The following TNFRSF14 variants were observed in gnomAD, a reference collection of about 807,000 sequenced individuals.
The protein encoded by TNFRSF14 is TNF receptor superfamily member 14.
Under a neutral mutation model 34.1 loss-of-function variants are expected in TNFRSF14, and 18 were observed. That is an observed-to-expected ratio of 0.53 (90% CI 0.36 to 0.78). The LOEUF is 0.78. TNFRSF14 is among the 30% of genes least tolerant of loss of function. TNFRSF14 has a pLI of 0.00. For synonymous variants in TNFRSF14, 157 were observed against 153.2 expected (o/e 1.02, Z -0.18); for missense variants, 352 against 379.5 (o/e 0.93, Z 0.60).
Position 2,559,894 on chromosome 1 carries a change from T to G in TNFRSF14, c.376T>G (p.Phe126Val). ...NAVCGCSPGHFCIVQDGDHCA... is the reference protein window; with the variant it reads ...NAVCGCSPGHVCIVQDGDHCA... The stretch of plus-strand genomic sequence containing the variant: ...CGTGTGTGGCTGCAGCCCAGGCCAC[T>G]TCTGCATCGTCCAGGACGGGGACCA... Residue 126 changes from phenylalanine (F) to valine (V), a missense_variant, in exon 4 of 8, where the codon TTC (phenylalanine) becomes GTC (valine). Transcript: ENST00000355716. The G allele has an allele frequency of 6.2e-7, 1 of 1,604,752 alleles. No homozygotes were observed. Among genetic ancestry groups the G allele is most frequent in the South Asian group, 1.1e-5 (1 of 89,388 alleles).
At chr1:2,556,312 C>T (rs984193600), upstream of TNFRSF14, 28 of 587,608 alleles carry the variant, frequency 4.8e-5, no homozygotes, top group South Asian at 2.9e-4. Context: ...ACAGGAAACC[C>T]GGAGTGGACT....
chr1:2,556,254 TGA>T (rs1322551064), upstream of TNFRSF14: 8 of 508,828 alleles, frequency 1.6e-5, no homozygotes, highest in Middle Eastern at 3.0e-4. Flanking sequence ...CCTGAGTGTG[TGA>T]GTGAGGTGGG....
intron 2 of TNFRSF14, among the ~76,000 whole-genome samples, chr1:2,558,139 A>T (rs576603264): frequency 2.9e-4 from 44 of 152,234 alleles, no homozygotes; most frequent in African/African-American, 1.0e-3. Flanking sequence ...AGGAGGCCCC[A>T]TGTGCTTCCA....
intron 4 of TNFRSF14, among the ~76,000 whole-genome samples, chr1:2,560,288 C>T (rs534950584): frequency 6.6e-6 from 1 of 152,300 alleles, no homozygotes; most frequent in Non-Finnish European, 1.5e-5. Context: ...ATGGGAGTGA[C>T]CATGGTTAAT....
intron 7 of TNFRSF14, 40 bp from the exon 8 acceptor site, chr1:2,563,108 G>A (rs771604809): frequency 3.1e-6 from 5 of 1,609,618 alleles, no homozygotes; most frequent in Non-Finnish European, 4.2e-6. Flanking sequence ...TCCCAGGGGG[G>A]CCTGAGCAGG....
At position 2,561,770 on chromosome 1, in the gene TNFRSF14, T is replaced by G. The variant is rs1437663383; in HGVS notation, c.649T>G (p.Ser217Ala). ...SGSLVIVIVC[S>A]TVGLIICVKR... is the part of the protein sequence containing the mutation. ...GAGCCTCGTCATCGTCATTGTTTGC[T>G]CCACAGTTGGCCTAATCATATGTGT... is the stretch of plus-strand genomic sequence containing the variant. Residue 217 changes from serine to alanine, a missense_variant, in exon 6 of 8, where the codon TCC becomes GCC. Ser to Ala is a moderately conservative substitution (Grantham distance 99). Coordinates refer to ENST00000355716, the MANE Select transcript of TNFRSF14 (RefSeq NM_003820.4). The surrounding 1 kb of genome is among the most constrained non-coding windows in gnomAD (Gnocchi z 6.0). The G allele has an allele frequency of 6.2e-6, 10 of 1,613,740 alleles. No individual in the cohort carries two copies. Among genetic ancestry groups the G allele is most frequent in the Non-Finnish European group, 8.5e-6 (10 of 1,179,998 alleles).
At chr1:2,559,314 A>G in intron 3 of TNFRSF14, 2 of 1,367,962 alleles carry the variant, frequency 1.5e-6, no homozygotes, top group Non-Finnish European at 1.9e-6. Flanking sequence ...ATGTGGGGGC[A>G]CAGGTGGCAG....
In TNFRSF14 at chr1:2,561,113, T is replaced by C. The variant is rs956007803; in HGVS notation, c.551+399T>C. On this transcript the variant is annotated intron_variant, in intron 5 of 7. Coordinates refer to ENST00000355716, the MANE Select transcript of TNFRSF14 (RefSeq NM_003820.4). The surrounding 1 kb of genome is among the most constrained non-coding windows in gnomAD (Gnocchi z 6.0). Reference sequence around the variant, plus strand: ...CTTTGTCCACCTTCGGGAGGACACCTTCAAATGCTGACCCTGGGCCCCTAA... The same window carrying C: ...CTTTGTCCACCTTCGGGAGGACACCCTCAAATGCTGACCCTGGGCCCCTAA... 6 of 324,430 alleles carry C rather than the reference T, an allele frequency of 1.8e-5. No homozygotes were observed. The highest frequency in any genetic ancestry group is 4.4e-5 in the Admixed American group (1 of 22,472). The allele number at this position is 324,430 out of a possible 1,614,324, so 20.1% of individuals were successfully genotyped here.
Position 2,556,563 on chromosome 1 carries a change from C to T in TNFRSF14, c.-102C>T, listed in dbSNP as rs759439521. 40 of 1,183,848 alleles carry T rather than the reference C, an allele frequency of 3.4e-5. No individual in the cohort carries two copies. The highest frequency in any genetic ancestry group is 4.9e-5 in the Non-Finnish European group (40 of 811,470). The allele number at this position is 1,183,848 out of a possible 1,614,324, so 73.3% of individuals were successfully genotyped here. A position where few individuals can be genotyped will look rare whatever the true frequency, so the allele number is the denominator to read the frequency against. ...ACCGAGGCGGATTCTCTTTCTCTTTCTCTTTCTCTTCTGGCCCACAGCCGC... is the reference window on the plus strand; with the variant it reads ...ACCGAGGCGGATTCTCTTTCTCTTTTTCTTTCTCTTCTGGCCCACAGCCGC... On this transcript the variant is annotated 5_prime_UTR_variant, in exon 1 of 8. Coordinates refer to ENST00000355716, the MANE Select transcript of TNFRSF14 (RefSeq NM_003820.4).
Position 2,561,434 on chromosome 1 carries a change from C to G in TNFRSF14, c.552-239C>G. On this transcript the variant is annotated intron_variant, in intron 5 of 7. Transcript: ENST00000355716. The surrounding 1 kb of genome is among the most constrained non-coding windows in gnomAD (Gnocchi z 6.0). ...CCCCTCTCCCTCTGCCGTCCTGTCT[C>G]CTTTGCCCAGTCTCTCCTTGTTTCT... 1 of 1,460,290 alleles carries G rather than the reference C, an allele frequency of 6.8e-7. No homozygotes were observed. The highest frequency in any genetic ancestry group is 9.1e-7 in the Non-Finnish European group (1 of 1,094,500). The allele number at this position is 1,460,290 out of a possible 1,614,324, so 90.5% of individuals were successfully genotyped here. A position where few individuals can be genotyped will look rare whatever the true frequency, so the allele number is the denominator to read the frequency against.
At position 2,561,462 on chromosome 1, in the gene TNFRSF14, TCTC is replaced by T. The variant is rs1318950433; in HGVS notation, c.552-205_552-203del. On this transcript the variant is annotated intron_variant, in intron 5 of 7. Coordinates refer to ENST00000355716, the MANE Select transcript of TNFRSF14 (RefSeq NM_003820.4). The surrounding 1 kb of genome is among the most constrained non-coding windows in gnomAD (Gnocchi z 6.0). Reference sequence around the variant, plus strand: ...TTGCCCAGTCTCTCCTTGTTTCTCTTCTCCTCCTTCCTTCTCTCCACCTCCCCA... The same window carrying T: ...TTGCCCAGTCTCTCCTTGTTTCTCTTCTCCTTCCTTCTCTCCACCTCCCCA... 2.0e-6 allele frequency: 3 copies of T among 1,488,944 alleles called. No homozygotes were observed. Among genetic ancestry groups the T allele is most frequent in the African/African-American group, 1.4e-5 (1 of 70,712 alleles). The allele number at this position is 1,488,944 out of a possible 1,614,324, so 92.2% of individuals were successfully genotyped here.
Position 2,556,741 on chromosome 1 carries a change from C to A in TNFRSF14, c.69+8C>A. The A allele has an allele frequency of 6.3e-7, 1 of 1,586,508 alleles. No homozygotes were observed. Among genetic ancestry groups the A allele is most frequent in the Admixed American group, 1.8e-5 (1 of 56,306 alleles). On this transcript the variant is annotated splice_region_variant and intron_variant, in intron 1 of 7. Coordinates refer to ENST00000355716, the MANE Select transcript of TNFRSF14 (RefSeq NM_003820.4). Reference sequence around the variant, plus strand: ...ACCGACGTCTTGAGGCTGGTGAGCCCCCGAGCCTCCTCTCCGTCTGCTCGC... The same window carrying A: ...ACCGACGTCTTGAGGCTGGTGAGCCACCGAGCCTCCTCTCCGTCTGCTCGC...
chr1:2,563,567 G>A lies in TNFRSF14; in HGVS notation c.*294G>A, dbSNP rs1041666864. ...CCCTCGCTCACAGACCACACACCCA[G>A]CCCTCCTGGGCCAGCCCAGAGGGCC... is the stretch of plus-strand genomic sequence containing the variant. On this transcript the variant is annotated 3_prime_UTR_variant, in exon 8 of 8. Coordinates refer to ENST00000355716, the MANE Select transcript of TNFRSF14 (RefSeq NM_003820.4). 6 of 400,728 alleles carry A rather than the reference G, an allele frequency of 1.5e-5. No homozygotes were observed. Among genetic ancestry groups the A allele is most frequent in the African/African-American group, 1.2e-4 (6 of 50,470 alleles). The allele number at this position is 400,728 out of a possible 1,614,324, so 24.8% of individuals were successfully genotyped here.
At position 2,560,626 on chromosome 1, in the gene TNFRSF14, A is replaced by G. The variant is rs200772143; in HGVS notation, c.463A>G (p.Thr155Ala). Residue 155 changes from threonine (T) to alanine (A), a missense_variant and splice_region_variant, in exon 5 of 8, where the codon ACC (threonine) becomes GCC (alanine). Coordinates refer to ENST00000355716, the MANE Select transcript of TNFRSF14 (RefSeq NM_003820.4). ...TCTGTCCGTCCCTCTCTTCTCAGGC[A>G]CCGAGAGTCAGGACACCCTGTGTCA... ...SPGQRVQKGG[T>A]ESQDTLCQNC... The G allele has an allele frequency of 5.6e-6, 9 of 1,612,748 alleles. No individual in the cohort carries two copies. The East Asian group carries it at 2.0e-4, about 36-fold the overall frequency.
At position 2,563,334 on chromosome 1, in the gene TNFRSF14, G is replaced by C. The variant is rs1644339141; in HGVS notation, c.*61G>C. 2 of 1,597,422 alleles carry C rather than the reference G, an allele frequency of 1.3e-6. No homozygotes were observed. Among genetic ancestry groups the C allele is most frequent in the African/African-American group, 1.3e-5 (1 of 74,548 alleles). ...GGAGCGACGGCTGCTGAAAGAGGCT[G>C]TCCACCTGGCGGAACCACCGGAGCC... On this transcript the variant is annotated 3_prime_UTR_variant, in exon 8 of 8. Transcript: ENST00000355716.
chr1:2,556,727 G>A lies in TNFRSF14; in HGVS notation c.63G>A (p.Leu21=), dbSNP rs758917691. 12 of 1,599,646 alleles carry A rather than the reference G, an allele frequency of 7.5e-6. No individual in the cohort carries two copies. The highest frequency in any genetic ancestry group is 1.0e-5 in the Non-Finnish European group (12 of 1,173,384). ...GATCCACCCCCAAAACCGACGTCTTGAGGCTGGTGAGCCCCCGAGCCTCCT... is the reference window on the plus strand; with the variant it reads ...GATCCACCCCCAAAACCGACGTCTTAAGGCTGGTGAGCCCCCGAGCCTCCT... ...PWRSTPKTDV[L]RLVLYLTFLG... is the part of the protein sequence containing the mutation. Residue 21 remains leucine (L), a synonymous_variant, in exon 1 of 8, where the codon TTG becomes TTA. Transcript: ENST00000355716.
In TNFRSF14 at chr1:2,563,148, C is replaced by G. The variant is rs556584527; in HGVS notation, c.727C>G (p.Arg243Gly). 2 of 1,613,208 alleles carry G rather than the reference C, an allele frequency of 1.2e-6. No individual in the cohort carries two copies. The highest frequency in any genetic ancestry group is 8.5e-7 in the Non-Finnish European group (1 of 1,179,974). ...DVVKVIVSVQ[R>G]KRQEAEGEAT... ...GTCTCCACGATTCGTGTGCTCACAG[C>G]GGAAAAGACAGGAGGCAGAAGGTGA... The change falls in exon 8 of 8, where the codon CGG becomes GGG. Residue 243 changes from arginine to glycine, a missense_variant and splice_region_variant. Coordinates refer to ENST00000355716, the MANE Select transcript of TNFRSF14 (RefSeq NM_003820.4).
Position 2,556,593 on chromosome 1 carries a change from A to AT in TNFRSF14, c.-71dup, listed in dbSNP as rs1243340054. On this transcript the variant is annotated 5_prime_UTR_variant, in exon 1 of 8. The change abolishes an upstream ATG in the 5' untranslated region. Transcript: ENST00000355716. ...TCTCTTCTGGCCCACAGCCGCAGCA[A>AT]TGGCGCTGAGTTCCTCTGCTGGAGT... 7.0e-7 allele frequency: 1 copy of AT among 1,430,726 alleles called. No homozygotes were observed. The highest frequency in any genetic ancestry group is 1.9e-5 in the Admixed American group (1 of 53,238). The allele number at this position is 1,430,726 out of a possible 1,614,324, so 88.6% of individuals were successfully genotyped here.
At chr1:2,562,394 C>G (rs998775296) in intron 6 of TNFRSF14, 2 of 240,422 alleles carry the variant, frequency 8.3e-6, no homozygotes, top group Non-Finnish European at 1.6e-5. Context: ...GAAAGTCAGC[C>G]CCATCCTCCA....
Sources: allele counts gnomAD v4.1 joint callset (sites outside exome capture counted in the v4.1 genomes callset), GRCh38; gene constraint gnomAD v4.1.1; non-coding constraint Gnocchi (gnomAD v3.1); transcripts MANE v1.5; gene names NCBI Gene and HGNC (gene_info 2026-07-23, HGNC 2026-07-21).